Variants in TRAPPC8 observed in about 807,000 individuals in gnomAD.
TRAPPC8 encodes trafficking protein particle complex subunit 8, also known as general sporulation gene 1 homolog.
Under a neutral mutation model 174.3 loss-of-function variants are expected in TRAPPC8, and 54 were observed. The ratio of observed to expected loss-of-function variants is 0.31; its 90% CI spans 0.25 to 0.39. The LOEUF (loss-of-function observed/expected upper bound fraction) is 0.39. TRAPPC8 is among the 10% of genes least tolerant of loss of function. The pLI, the probability that TRAPPC8 is intolerant of heterozygous loss-of-function variation, is 1.00. For missense variants in TRAPPC8, 1,531 were observed against 1,699.1 expected (o/e 0.90, Z 1.74); for synonymous variants, 630 against 579.9 (o/e 1.09, Z -1.24).
intron 9 of TRAPPC8, among the ~76,000 whole-genome samples, chr18:31,903,976 C>T (rs1012311992): frequency 6.6e-6 from 1 of 152,194 alleles, no homozygotes; most frequent in Non-Finnish European, 1.5e-5. Context: ...TGCCACATGC[C>T]TGTAACCCCA....
At chr18:31,940,195 G>A (rs543507822) in intron 1 of TRAPPC8, among the ~76,000 whole-genome samples, 7 of 152,198 alleles carry the variant, frequency 4.6e-5, no homozygotes, top group East Asian at 1.9e-4. Flanking sequence ...AACTAATTTC[G>A]GCCGGGCACG....
intron 20 of TRAPPC8, among the ~76,000 whole-genome samples, chr18:31,857,338 T>G (rs1398691535): frequency 6.6e-6 from 1 of 152,278 alleles, no homozygotes; most frequent in East Asian, 1.9e-4. Flanking sequence ...ACTAAAAAAA[T>G]GTGTGCCGTT....
intron 19 of TRAPPC8, among the ~76,000 whole-genome samples, chr18:31,859,691 TCAGAA>T (rs1400291197): frequency 6.6e-6 from 1 of 152,142 alleles, no homozygotes; most frequent in East Asian, 1.9e-4. Context: ...ACATGTACCT[TCAGAA>T]CACAGGTTTA....
chr18:31,848,689 T>C (rs1438397954), intron 25 of TRAPPC8, among the ~76,000 whole-genome samples: 2 of 152,200 alleles, frequency 1.3e-5, no homozygotes, highest in African/African-American at 4.8e-5. Context: ...ATTGATCACC[T>C]AGTATGAACA....
chr18:31,882,475 A>C (rs1266164851), intron 12 of TRAPPC8, among the ~76,000 whole-genome samples: 3 of 152,040 alleles, frequency 2.0e-5, no homozygotes, highest in African/African-American at 7.2e-5. Flanking sequence ...GAAGGGAAGG[A>C]AGTGAGGGTT....
chr18:31,916,056 CAAAAA>C (rs34732342), intron 4 of TRAPPC8, among the ~76,000 whole-genome samples: 1 of 87,922 alleles, frequency 1.1e-5, no homozygotes. Context: ...GACCTCGTCT[CAAAAA>C]AAAAAAAAAA....
intron 19 of TRAPPC8, among the ~76,000 whole-genome samples, chr18:31,861,935 A>AGGGGGGGGG (rs1478982235): frequency 2.2e-5 from 1 of 46,236 alleles, no homozygotes; most frequent in Non-Finnish European, 4.4e-5. Context: ...GAAAAAAAAA[A>AGGGGGGGGG]AGGGGGGGGG....
intron 26 of TRAPPC8, among the ~76,000 whole-genome samples, chr18:31,846,364 A>C: frequency 6.6e-6 from 1 of 152,148 alleles, no homozygotes; most frequent in Non-Finnish European, 1.5e-5. Context: ...GCTTGAGCCC[A>C]GGAGTTCAAG....
chr18:31,907,366 C>A, intron 9 of TRAPPC8, 94 bp downstream of exon 9: 1 of 1,282,534 alleles, frequency 7.8e-7, no homozygotes. Context: ...TTGAGTACAA[C>A]TTTATCCCTA....
rs748121335 is a variant in TRAPPC8 at position 31,853,889 on chromosome 18, G to A, written c.3393C>T (p.His1131=). 6.2e-7 allele frequency: 1 copy of A among 1,611,390 alleles called. No homozygotes were observed. Among genetic ancestry groups the A allele is most frequent in the South Asian group, 1.1e-5 (1 of 90,822 alleles). The change falls in exon 22 of 29, where the codon CAC becomes CAT. Residue 1131 remains histidine (H), a synonymous_variant. Transcript: ENST00000283351. ...HIVQVSSSSK[H]WKLQKSVNLS... is the part of the protein sequence containing the mutation. ...GATTTACAGATTTCTGTAACTTCCAGTGTTTGCTACTACTTGATACTTGCA... is the reference window on the plus strand; with the variant it reads ...GATTTACAGATTTCTGTAACTTCCAATGTTTGCTACTACTTGATACTTGCA...
At position 31,864,020 on chromosome 18, in the gene TRAPPC8, TATA is replaced by T. The variant is rs567159944; in HGVS notation, c.2745+604_2745+606del. 3.0e-3 allele frequency among the ~76,000 whole-genome samples: 445 copies of T among 148,006 alleles called. 2 individuals carry two copies. The highest frequency in any genetic ancestry group is 9.0e-3 in the African/African-American group (366 of 40,764). On this transcript the variant is annotated intron_variant, in intron 19 of 28. Coordinates refer to ENST00000283351, the MANE Select transcript of TRAPPC8 (RefSeq NM_014939.5). Reference sequence around the variant, plus strand: ...ATAATACTTTATTATAATATGTTATTATAATATGTTCTATAAAATATAAAATAT... The same window carrying T: ...ATAATACTTTATTATAATATGTTATTATATGTTCTATAAAATATAAAATAT...
At chr18:31,859,439 T>C (rs1357536916) in intron 19 of TRAPPC8, among the ~76,000 whole-genome samples, 1 of 152,200 alleles carries the variant, frequency 6.6e-6, no homozygotes, top group African/African-American at 2.4e-5. Flanking sequence ...ACACTGACTC[T>C]CTGTACTGAT....
At chr18:31,855,941 TTAAG>T in intron 20 of TRAPPC8, 134 bp from the exon 21 acceptor site, 1 of 961,560 alleles carries the variant, frequency 1.0e-6, no homozygotes, top group Non-Finnish European at 1.5e-6. Flanking sequence ...ATAGAATACA[TTAAG>T]TAAAATTACA....
intron 4 of TRAPPC8, among the ~76,000 whole-genome samples, chr18:31,915,172 T>C (rs1204455875): frequency 6.6e-6 from 1 of 152,184 alleles, no homozygotes; most frequent in African/African-American, 2.4e-5. Context: ...GGTAAGCATA[T>C]GAAATCTAAC....
intron 18 of TRAPPC8, among the ~76,000 whole-genome samples, chr18:31,865,849 CT>C (rs1312237266): frequency 1.3e-5 from 2 of 150,808 alleles, no homozygotes; most frequent in Non-Finnish European, 3.0e-5. Context: ...TAAACTTTGT[CT>C]GGTTCTTGTC....
intron 12 of TRAPPC8, among the ~76,000 whole-genome samples, chr18:31,885,109 G>A (rs933487851): frequency 2.6e-5 from 4 of 151,964 alleles, no homozygotes; most frequent in Admixed American, 1.3e-4. Context: ...CGCCTGCGTC[G>A]GCCTCCCAAA....
chr18:31,917,461 TA>T, intron 3 of TRAPPC8, 116 bp downstream of exon 3: 1 of 878,084 alleles, frequency 1.1e-6, no homozygotes, highest in Non-Finnish European at 1.7e-6. Context: ...TGTCAATCTA[TA>T]AAAAATAATT....
intron 12 of TRAPPC8, among the ~76,000 whole-genome samples, chr18:31,879,409 TA>T (rs1013341708): frequency 3.9e-5 from 6 of 152,068 alleles, no homozygotes; most frequent in African/African-American, 1.2e-4. Flanking sequence ...GGCAGAAATT[TA>T]AAAAAATTTT....
At chr18:31,909,820 T>G (rs2036832310) in intron 5 of TRAPPC8, 60 bp from the exon 6 acceptor site, 1 of 1,122,518 alleles carries the variant, frequency 8.9e-7, no homozygotes, top group East Asian at 2.6e-5. Context: ...TAATATACTA[T>G]CAAATCCATC....
Sources: gnomAD v4.1 joint callset for allele counts (sites outside exome capture counted in the v4.1 genomes callset) on GRCh38, gnomAD v4.1.1 for gene constraint, MANE v1.5 for transcripts, NCBI Gene and HGNC (gene_info 2026-07-23, HGNC 2026-07-21) for gene names.